Variants in XKR9 observed in about 807,000 individuals in gnomAD.
XKR9 encodes the protein XK-related protein 9.
A neutral mutation model predicts 32.0 loss-of-function variants in XKR9; 32 were observed. The ratio of observed to expected loss-of-function variants is 1.00; its 90% CI spans 0.76 to 1.34. The LOEUF is 1.34. Ranked by LOEUF, XKR9 falls within the 40% of genes most tolerant of loss-of-function variation. XKR9 has a pLI of 0.00. For synonymous variants in XKR9, 168 were observed against 143.4 expected (o/e 1.17, Z -1.22); for missense variants, 546 against 429.7 (o/e 1.27, Z -2.39).
chr8:70,946,252 A>G, the XKR9 span, among the ~76,000 whole-genome samples: 2 of 152,194 alleles, frequency 1.3e-5, no homozygotes, highest in Admixed American at 6.5e-5. Flanking sequence ...GACACTATAG[A>G]TATGTGCCTA....
rs553239602 is a variant in XKR9, at chr8:70,726,514, T to C, written c.494-7282T>C. Among the ~76,000 whole-genome samples the C allele has an allele frequency of 4.2e-4, 64 of 152,302 alleles. 2 individuals carry two copies. The Middle Eastern group carries it at 0.02, about 49-fold the overall frequency. On this transcript the variant is annotated intron_variant, in intron 4 of 4. Transcript: ENST00000408926. The stretch of plus-strand genomic sequence containing the variant: ...CACCCAGATTAGCTGCAGGTAAGAA[T>C]AGAGCATTCAATGAAAATTTTAAAC...
the XKR9 span, among the ~76,000 whole-genome samples, chr8:70,827,886 T>C: frequency 6.6e-6 from 1 of 152,210 alleles, no homozygotes; most frequent in South Asian, 2.1e-4. Flanking sequence ...AATGGAACTT[T>C]CCATTTTTAT....
chr8:70,854,758 A>G, the XKR9 span, among the ~76,000 whole-genome samples: 1 of 152,244 alleles, frequency 6.6e-6, no homozygotes, highest in Non-Finnish European at 1.5e-5. Context: ...CAGTTTTCCC[A>G]GCACCATTTA....
chr8:70,818,289 C>T, the XKR9 span, among the ~76,000 whole-genome samples: 4 of 151,886 alleles, frequency 2.6e-5, no homozygotes, highest in Non-Finnish European at 4.4e-5. Context: ...CTGGTCATCT[C>T]ATCTAATTAT....
At chr8:70,821,356 C>T in the XKR9 span, among the ~76,000 whole-genome samples, 1 of 152,218 alleles carries the variant, frequency 6.6e-6, no homozygotes, top group Non-Finnish European at 1.5e-5. Flanking sequence ...GCTGCTTTCA[C>T]AGGCTGGCAT....
At chr8:70,762,754 T>C (rs1450747756) in intron 2 of XKR9, among the ~76,000 whole-genome samples, 1 of 152,246 alleles carries the variant, frequency 6.6e-6, no homozygotes, top group African/African-American at 2.4e-5. Flanking sequence ...TAGCCACTGA[T>C]GTCCTAAAGA....
intron 2 of XKR9, among the ~76,000 whole-genome samples, chr8:70,754,658 G>A (rs1341317893): frequency 5.9e-5 from 9 of 151,412 alleles, no homozygotes; most frequent in Admixed American, 4.6e-4. Flanking sequence ...AACAAGCAAT[G>A]GGGAAAGGAT....
At chr8:70,910,010 A>G in the XKR9 span, among the ~76,000 whole-genome samples, 1 of 151,668 alleles carries the variant, frequency 6.6e-6, no homozygotes, top group Non-Finnish European at 1.5e-5. Context: ...GACCGGCCTG[A>G]TTTATCTTTA....
the XKR9 span, among the ~76,000 whole-genome samples, chr8:70,815,820 C>T: frequency 0.32 from 48,463 of 151,928 alleles, 9,093 homozygotes; most frequent in Non-Finnish European, 0.43. Context: ...CTACTGCACC[C>T]GGCCCTCATT....
chr8:70,953,197 A>C, the XKR9 span, among the ~76,000 whole-genome samples: 1 of 152,260 alleles, frequency 6.6e-6, no homozygotes, highest in Non-Finnish European at 1.5e-5. Flanking sequence ...GTGTAGGAGA[A>C]CAATGATTAT....
the XKR9 span, among the ~76,000 whole-genome samples, chr8:70,944,093 A>T: frequency 6.6e-6 from 1 of 152,136 alleles, no homozygotes; most frequent in Non-Finnish European, 1.5e-5. Flanking sequence ...CCTCTTTTGC[A>T]TATGTTAAAC....
At chr8:70,721,639 T>C (rs1806285179) in intron 4 of XKR9, among the ~76,000 whole-genome samples, 1 of 152,240 alleles carries the variant, frequency 6.6e-6, no homozygotes, top group African/African-American at 2.4e-5. Flanking sequence ...TCCTGAGTTC[T>C]AATTTGATTG....
the XKR9 span, among the ~76,000 whole-genome samples, chr8:70,845,081 T>C: frequency 3.3e-5 from 5 of 152,098 alleles, no homozygotes; most frequent in African/African-American, 1.2e-4. Flanking sequence ...GTCCAAGGAG[T>C]GGCCTACCTG....
chr8:71,025,521 C>T, the XKR9 span, among the ~76,000 whole-genome samples: 237 of 152,290 alleles, frequency 1.6e-3, 6 homozygotes, highest in South Asian at 0.047. Context: ...TGCAATAAAA[C>T]GCCATTTAAG....
chr8:70,869,411 A>G, the XKR9 span, among the ~76,000 whole-genome samples: 1 of 152,196 alleles, frequency 6.6e-6, no homozygotes, highest in Non-Finnish European at 1.5e-5. Context: ...AGCCGCAGGT[A>G]GAGAGAAGAG....
At position 70,681,237 on chromosome 8, in the gene XKR9, A is replaced by T. The variant is rs1819071095; in HGVS notation, c.179A>T (p.Tyr60Phe). 1 of 1,613,396 alleles carries T rather than the reference A, an allele frequency of 6.2e-7. No individual in the cohort carries two copies. Among genetic ancestry groups the T allele is most frequent in the Non-Finnish European group, 8.5e-7 (1 of 1,179,622 alleles). Residue 60 changes from tyrosine (Y) to phenylalanine (F), a missense_variant, in exon 3 of 5, where the codon TAT becomes TTT. Tyr to Phe is a conservative substitution (Grantham distance 22). Transcript: ENST00000408926. ...FGTLVAQCFS[Y>F]SWFKADLKKA... ...ACACTTGTGGCTCAGTGTTTTAGTT[A>T]TTCTTGGTTCAAGGCTGATTTAAAG...
the XKR9 span, among the ~76,000 whole-genome samples, chr8:71,050,344 A>C: frequency 1.3e-5 from 2 of 150,026 alleles, no homozygotes; most frequent in African/African-American, 4.9e-5. Context: ...ATATATACAC[A>C]TATACATGTA....
the XKR9 span, among the ~76,000 whole-genome samples, chr8:70,978,733 G>T: frequency 2.2e-4 from 34 of 152,212 alleles, no homozygotes; most frequent in African/African-American, 8.2e-4. Flanking sequence ...TCTTCTGGAG[G>T]AGTATCTGTG....
the XKR9 span, among the ~76,000 whole-genome samples, chr8:71,006,500 T>C: frequency 3.3e-5 from 5 of 152,284 alleles, no homozygotes; most frequent in Non-Finnish European, 7.4e-5. Context: ...TGTTGGTGGA[T>C]GGGGTGTCCA....
Sources: gnomAD v4.1 joint callset for allele counts (sites outside exome capture counted in the v4.1 genomes callset) on GRCh38, gnomAD v4.1.1 for gene constraint, MANE v1.5 for transcripts, NCBI Gene and HGNC (gene_info 2026-07-23, HGNC 2026-07-21) for gene names.